The following RUNX2 variants were observed in gnomAD, a reference collection of about 807,000 sequenced individuals.
RUNX2 encodes the protein RUNX family transcription factor 2.
A neutral mutation model predicts 51.7 loss-of-function variants in RUNX2; 10 were observed. That is an observed-to-expected ratio of 0.19 (90% CI 0.12 to 0.33). RUNX2 has a LOEUF of 0.33. RUNX2 is among the 10% of genes least tolerant of loss of function. The probability of loss-of-function intolerance (pLI) is 1.00; values close to 1 mark genes in which losing one functional copy is unlikely to be tolerated. For synonymous variants in RUNX2, 276 were observed against 273.6 expected, an observed-to-expected ratio of 1.01 and a Z score of -0.09; for missense variants, 562 against 691.3, an observed-to-expected ratio of 0.81 and a Z score of 2.10.
chr6:45,508,315 G>A (rs567220048), intron 6 of RUNX2, among the ~76,000 whole-genome samples: 350 of 129,294 alleles, frequency 2.7e-3, no homozygotes, highest in African/African-American at 9.4e-3. Context: ...CGCAACCTCC[G>A]CCTCTTGGGT....
intron 2 of RUNX2, among the ~76,000 whole-genome samples, chr6:45,384,698 T>C (rs1048401753): frequency 1.4e-5 from 2 of 147,202 alleles, no homozygotes; most frequent in African/African-American, 5.0e-5. Flanking sequence ...TATTAGACAT[T>C]AGGGTGTCTT....
intron 6 of RUNX2, among the ~76,000 whole-genome samples, chr6:45,494,821 T>A (rs941844910): frequency 6.6e-6 from 1 of 152,206 alleles, no homozygotes; most frequent in Non-Finnish European, 1.5e-5. Context: ...TAAGTATGAT[T>A]TGGGGCCTAT....
chr6:45,367,500 A>G (rs574044019), intron 2 of RUNX2, among the ~76,000 whole-genome samples: 84 of 152,308 alleles, frequency 5.5e-4, no homozygotes, highest in African/African-American at 1.9e-3. Flanking sequence ...GAAAACAGGA[A>G]ACAAAGGACT....
chr6:45,379,736 C>T (rs936347440), intron 2 of RUNX2, among the ~76,000 whole-genome samples: 1 of 151,998 alleles, frequency 6.6e-6, no homozygotes, highest in African/African-American at 2.4e-5. Flanking sequence ...CGTGGTGGCA[C>T]GTGCCTGTAG....
At chr6:45,504,662 G>GT (rs1371743376) in intron 6 of RUNX2, among the ~76,000 whole-genome samples, 2 of 152,160 alleles carry the variant, frequency 1.3e-5, no homozygotes, top group African/African-American at 4.8e-5. Flanking sequence ...GTATGAATGT[G>GT]TATATGTATA....
chr6:45,416,630 C>G (rs1247117977), intron 2 of RUNX2, among the ~76,000 whole-genome samples: 1 of 152,178 alleles, frequency 6.6e-6, no homozygotes, highest in Non-Finnish European at 1.5e-5. Context: ...CACCAAAATA[C>G]CAGAAGGCTG....
intron 2 of RUNX2, among the ~76,000 whole-genome samples, chr6:45,343,552 GAGA>G (rs201837728): frequency 0.02 from 3,039 of 152,224 alleles, 106 homozygotes; most frequent in African/African-American, 0.068. Context: ...CTGATTAAGA[GAGA>G]AGGTCCTATG....
At chr6:45,354,618 T>G (rs1792765326) in intron 2 of RUNX2, among the ~76,000 whole-genome samples, 1 of 115,920 alleles carries the variant, frequency 8.6e-6, no homozygotes, top group South Asian at 2.6e-4. Flanking sequence ...ACTACACAAA[T>G]GCACGCACAC....
chr6:45,423,428 C>G (rs935574161), intron 3 of RUNX2, among the ~76,000 whole-genome samples: 1 of 152,106 alleles, frequency 6.6e-6, no homozygotes, highest in Non-Finnish European at 1.5e-5. Flanking sequence ...GCGGGCTGCC[C>G]GCGCAGCCTC....
At chr6:45,523,909 C>A (rs749278468) in intron 7 of RUNX2, among the ~76,000 whole-genome samples, 33 of 150,570 alleles carry the variant, frequency 2.2e-4, no homozygotes, top group Non-Finnish European at 3.8e-4. Flanking sequence ...TCTAGCCTAG[C>A]AACAGAGCGA....
chr6:45,338,464 T>C (rs1012366334), intron 2 of RUNX2, among the ~76,000 whole-genome samples: 10 of 152,042 alleles, frequency 6.6e-5, no homozygotes, highest in Non-Finnish European at 1.2e-4. Context: ...TATAAAAAGC[T>C]GATGGTACTA....
intron 7 of RUNX2, among the ~76,000 whole-genome samples, chr6:45,525,806 GCA>G (rs1801659496): frequency 6.6e-6 from 1 of 151,970 alleles, no homozygotes; most frequent in Admixed American, 6.6e-5. Context: ...ACCAGCCTCA[GCA>G]ACATGGCGAA....
At position 45,334,449 on chromosome 6, in the gene RUNX2, C is replaced by CAAAAAAA. The variant is rs551014969; in HGVS notation, c.58+5679_58+5685dup. Among the ~76,000 whole-genome samples, 373 of 91,222 alleles carry CAAAAAAA rather than the reference C, an allele frequency of 4.1e-3. 1 individual carries two copies. Among genetic ancestry groups the CAAAAAAA allele is most frequent in the Middle Eastern group, 8.3e-3 (1 of 120 alleles). 59.8% of individuals were successfully genotyped at this position (91,222 alleles called of 152,430 possible). On this transcript the variant is annotated intron_variant, in intron 2 of 8. Coordinates refer to ENST00000647337, the MANE Select transcript of RUNX2 (RefSeq NM_001024630.4). ...CATCTATTTTGTGCTTCAGGAAAAG[C>CAAAAAAA]AAAAAAAAAAAAAAAAAAAAGACAA...
chr6:45,489,795 G>A (rs1196070801), intron 5 of RUNX2, among the ~76,000 whole-genome samples: 2 of 152,186 alleles, frequency 1.3e-5, no homozygotes, highest in Non-Finnish European at 2.9e-5. Flanking sequence ...GACCCAGCAA[G>A]ATGTATTGAT....
chr6:45,386,734 G>T (rs919921899), intron 2 of RUNX2, among the ~76,000 whole-genome samples: 3 of 152,326 alleles, frequency 2.0e-5, no homozygotes, highest in African/African-American at 7.2e-5. Flanking sequence ...GGATAATTTA[G>T]GCAGAGGGAG....
At chr6:45,336,151 A>G (rs1407102054) in intron 2 of RUNX2, among the ~76,000 whole-genome samples, 1 of 151,176 alleles carries the variant, frequency 6.6e-6, no homozygotes, top group Non-Finnish European at 1.5e-5. Context: ...ACACATATAC[A>G]TTATTTCTCT....
At chr6:45,490,869 C>T (rs997932535) in intron 5 of RUNX2, among the ~76,000 whole-genome samples, 1 of 152,118 alleles carries the variant, frequency 6.6e-6, no homozygotes, top group Non-Finnish European at 1.5e-5. Flanking sequence ...GCCTCACTGG[C>T]ACAGAATCTG....
rs546278277 is a variant in RUNX2, at chr6:45,419,258, C to A, written c.59-3335C>A. On this transcript the variant is annotated intron_variant, in intron 2 of 8. Transcript: ENST00000647337. ...CAATCCCAGAGAAGGTGGCATATCA[C>A]CCACCATGGTAGTTATGGAATTTTG... 3.9e-5 allele frequency among the ~76,000 whole-genome samples: 6 copies of A among 152,224 alleles called. No homozygotes were observed. In the South Asian group the frequency reaches 1.2e-3, roughly 32 times the overall value.
intron 2 of RUNX2, among the ~76,000 whole-genome samples, chr6:45,405,375 T>A (rs1366909845): frequency 6.6e-6 from 1 of 152,230 alleles, no homozygotes; most frequent in Non-Finnish European, 1.5e-5. Context: ...TATACAATCA[T>A]AATTTGATAA....
Sources: gnomAD v4.1 joint callset for allele counts (sites outside exome capture counted in the v4.1 genomes callset) on GRCh38, gnomAD v4.1.1 for gene constraint, MANE v1.5 for transcripts, NCBI Gene and HGNC (gene_info 2026-07-23, HGNC 2026-07-21) for gene names.